Variants in NF1 observed in about 807,000 individuals in gnomAD.
NF1 encodes the protein neurofibromin.
Under a neutral mutation model 325.7 loss-of-function variants are expected in NF1, and 122 were observed. The observed-to-expected ratio is 0.37, with a 90% CI of 0.32 to 0.44. The LOEUF (loss-of-function observed/expected upper bound fraction) is 0.44. Ranked by LOEUF, NF1 falls within the 20% of genes least tolerant of loss-of-function variation. NF1 has a pLI of 1.00. For missense variants in NF1, 2,140 were observed against 3,415.4 expected, an observed-to-expected ratio of 0.63 and a Z score of 9.31; for synonymous variants, 1,091 against 1,186.0, an observed-to-expected ratio of 0.92 and a Z score of 1.65.
intron 8 of NF1, among the ~76,000 whole-genome samples, chr17:31,183,905 C>G (rs1484572706): frequency 1.3e-5 from 2 of 152,162 alleles, no homozygotes; most frequent in East Asian, 3.9e-4. Context: ...CTCTTCTTGC[C>G]TCTTAGCCTG....
intron 36 of NF1, among the ~76,000 whole-genome samples, chr17:31,279,509 A>G (rs2068077068): frequency 6.6e-6 from 1 of 151,938 alleles, no homozygotes; most frequent in South Asian, 2.1e-4. Flanking sequence ...TTGTAATCCT[A>G]GCTACTTGGG....
At chr17:31,276,866 G>T (rs139413171) in intron 36 of NF1, among the ~76,000 whole-genome samples, 1 of 152,152 alleles carries the variant, frequency 6.6e-6, no homozygotes, top group Admixed American at 6.5e-5. Flanking sequence ...CAACACTGGG[G>T]TTAGGGGCAC....
At chr17:31,215,241 C>T (rs1166274213) in intron 13 of NF1, among the ~76,000 whole-genome samples, 1 of 152,076 alleles carries the variant, frequency 6.6e-6, no homozygotes, top group African/African-American at 2.4e-5. Context: ...TCGGCCTCCC[C>T]AAGTGCTGTG....
chr17:31,170,916 AT>A (rs1464410446), intron 5 of NF1, among the ~76,000 whole-genome samples: 1 of 148,376 alleles, frequency 6.7e-6, no homozygotes, highest in African/African-American at 2.4e-5. Context: ...GTTCACACAT[AT>A]TTTTATTTGT....
chr17:31,222,047 T>C (rs2066933515), intron 15 of NF1, 118 bp downstream of exon 15: 2 of 1,292,032 alleles, frequency 1.5e-6, no homozygotes, highest in Admixed American at 3.6e-5. Flanking sequence ...AAAGGTTTTA[T>C]GGTTTTGTAT....
At position 31,095,242 on chromosome 17, in the gene NF1, C is replaced by T. The variant is rs1017942341; in HGVS notation, c.-68C>T. On this transcript the variant is annotated 5_prime_UTR_variant, in exon 1 of 58. Transcript: ENST00000358273. ...CTTCCCTCACCTCAGCCTCCGCTCC[C>T]CGCCCTCTTCCCGGCCCAGGGCGCC... The T allele has an allele frequency of 6.9e-7, 1 of 1,456,422 alleles. No homozygotes were observed. The highest frequency in any genetic ancestry group is 1.2e-5 in the South Asian group (1 of 82,306). 90.2% of individuals were successfully genotyped at this position (1,456,422 alleles called of 1,614,324 possible).
rs2151540998 is a variant in NF1, at chr17:31,327,561, C to T, written c.5331C>T (p.Val1777=). 6.2e-7 allele frequency: 1 copy of T among 1,614,190 alleles called. No homozygotes were observed. The highest frequency in any genetic ancestry group is 8.5e-7 in the Non-Finnish European group (1 of 1,180,046). The change falls in exon 38 of 58, where the codon GTC becomes GTT. Residue 1777 remains valine (V), a synonymous_variant. Transcript: ENST00000358273. ...GAACAAAAGTCCTAGGGCAATCAGT[C>T]TTTCTAAATGACATTTATTATGCTT... The part of the protein sequence containing the change: ...AERTKVLGQS[V]FLNDIYYASE...
At chr17:31,174,430 A>G (rs2065983552) in intron 5 of NF1, among the ~76,000 whole-genome samples, 1 of 152,238 alleles carries the variant, frequency 6.6e-6, no homozygotes, top group Non-Finnish European at 1.5e-5. Context: ...CCCTAAAAAT[A>G]TTCATCTCTT....
At chr17:31,313,891 G>C (rs1008177631) in intron 36 of NF1, 1 of 394,528 alleles carries the variant, frequency 2.5e-6, no homozygotes, top group African/African-American at 2.1e-5. Context: ...TAGACTATCA[G>C]AGTTTAAGTT....
intron 31 of NF1, among the ~76,000 whole-genome samples, chr17:31,255,110 G>A (rs547282327): frequency 2.0e-5 from 3 of 152,196 alleles, no homozygotes; most frequent in African/African-American, 7.2e-5. Context: ...TGTATAATGA[G>A]GTTTACTTTG....
chr17:31,376,749 C>T lies in NF1; in HGVS notation c.*2594C>T, dbSNP rs544665500. ...TTCGGTTTGTAGATGTTTCCCCTGA[C>T]TTGTTAAAGAGGAAACCAGGAACTC... On this transcript the variant is annotated 3_prime_UTR_variant, in exon 58 of 58. Transcript: ENST00000358273. 2 of 233,086 alleles carry T rather than the reference C, an allele frequency of 8.6e-6. No individual in the cohort carries two copies. Among genetic ancestry groups the T allele is most frequent in the African/African-American group, 4.4e-5 (2 of 45,348 alleles). 14.4% of individuals were successfully genotyped at this position (233,086 alleles called of 1,614,324 possible). A position where few individuals can be genotyped will look rare whatever the true frequency, so the allele number is the denominator to read the frequency against.
intron 29 of NF1, 30 bp from the exon 30 acceptor site, chr17:31,248,954 T>C: frequency 6.2e-7 from 1 of 1,611,298 alleles, no homozygotes. Context: ...TAAACAAAAG[T>C]GTTAGGATTT....
Position 31,182,495 on chromosome 17 carries a change from AT to A in NF1, c.731-8del, listed in dbSNP as rs1438618408. On this transcript the variant is annotated splice_polypyrimidine_tract_variant and intron_variant, in intron 7 of 57. Coordinates refer to ENST00000358273, the MANE Select transcript of NF1 (RefSeq NM_001042492.3). ...CCTATCTAATAATGTCATTTAATAT[AT>A]TTTTCATGCAGAATGTGCAGAAAAG... is the stretch of plus-strand genomic sequence containing the variant. The A allele has an allele frequency of 2.5e-6, 4 of 1,613,366 alleles. No individual in the cohort carries two copies. The Admixed American group carries it at 6.7e-5, about 27-fold the overall frequency.
At chr17:31,197,947 T>C (rs1221408271) in intron 8 of NF1, among the ~76,000 whole-genome samples, 1 of 152,226 alleles carries the variant, frequency 6.6e-6, no homozygotes, top group Non-Finnish European at 1.5e-5. Flanking sequence ...TTTTAATACA[T>C]GGCTTTTACG....
intron 36 of NF1, among the ~76,000 whole-genome samples, chr17:31,267,598 T>A (rs550510082): frequency 1.2e-4 from 18 of 152,334 alleles, no homozygotes; most frequent in African/African-American, 3.6e-4. Context: ...CCGTCAGTTT[T>A]GTCAAAGAGC....
At chr17:31,143,897 C>T (rs1404945741) in intron 1 of NF1, among the ~76,000 whole-genome samples, 5 of 152,086 alleles carry the variant, frequency 3.3e-5, no homozygotes, top group Non-Finnish European at 7.3e-5. Flanking sequence ...TCTCGGCTCA[C>T]TGCAAGCTCT....
At chr17:31,107,703 CAAAG>C (rs1370354998) in intron 1 of NF1, among the ~76,000 whole-genome samples, 3 of 152,300 alleles carry the variant, frequency 2.0e-5, no homozygotes, top group African/African-American at 7.2e-5. Context: ...AACCATTTCT[CAAAG>C]AACATGTTTT....
chr17:31,340,766 G>T, intron 47 of NF1, 121 bp downstream of exon 47: 3 of 943,520 alleles, frequency 3.2e-6, no homozygotes, highest in Admixed American at 2.2e-5. Flanking sequence ...TTTGTATAAT[G>T]TAACTTATTG....
intron 36 of NF1, among the ~76,000 whole-genome samples, chr17:31,323,581 G>A (rs1055455068): frequency 2.1e-4 from 32 of 152,246 alleles, no homozygotes; most frequent in African/African-American, 7.5e-4. Context: ...CTTTGGTTGG[G>A]CAGTTATGGT....
Sources: gnomAD v4.1 joint callset for allele counts (sites outside exome capture counted in the v4.1 genomes callset) on GRCh38, gnomAD v4.1.1 for gene constraint, MANE v1.5 for transcripts, NCBI Gene and HGNC (gene_info 2026-07-23, HGNC 2026-07-21) for gene names.